The following BPIFB2 variants were observed in gnomAD, a reference collection of about 807,000 sequenced individuals.
BPIFB2 encodes the protein BPI fold-containing family B member 2.
A neutral mutation model predicts 50.1 loss-of-function variants in BPIFB2; 39 were observed. The observed-to-expected ratio is 0.78, with a 90% confidence interval of 0.60 to 1.02. The LOEUF is 1.02. BPIFB2 is among the 50% of genes least tolerant of loss of function. BPIFB2 has a pLI of 0.00. For synonymous variants in BPIFB2, 280 were observed against 256.3 expected (o/e 1.09, Z -0.88); for missense variants, 574 against 585.8 (o/e 0.98, Z 0.21).
At chr20:33,015,380 T>C in intron 5 of BPIFB2, 56 bp from the exon 6 acceptor site, 1 of 1,504,726 alleles carries the variant, frequency 6.6e-7, no homozygotes, top group South Asian at 1.2e-5. Context: ...CTGTGCTGAG[T>C]GACGGGACTT....
Position 33,013,971 on chromosome 20 carries a change from AGG to A in BPIFB2, c.455+17_455+18del. The A allele has an allele frequency of 1.2e-6, 2 of 1,609,010 alleles. No homozygotes were observed. Among genetic ancestry groups the A allele is most frequent in the Non-Finnish European group, 1.7e-6 (2 of 1,176,214 alleles). On this transcript the variant is annotated intron_variant, in intron 5 of 15. Coordinates refer to ENST00000170150, the MANE Select transcript of BPIFB2 (RefSeq NM_025227.3). ...GGCAGTAACAGGTGGGTGCCTGGTGAGGGCAGGGTCACAGGAATCCCAGATGC... is the reference window on the plus strand; with the variant it reads ...GGCAGTAACAGGTGGGTGCCTGGTGAGCAGGGTCACAGGAATCCCAGATGC...
At position 33,009,226 on chromosome 20, in the gene BPIFB2, C is replaced by A. The variant is rs1285719774; in HGVS notation, c.109+543C>A. On this transcript the variant is annotated intron_variant, in intron 2 of 15. Coordinates refer to ENST00000170150, the MANE Select transcript of BPIFB2 (RefSeq NM_025227.3). The surrounding 1 kb of genome is among the most constrained non-coding windows in gnomAD (Gnocchi z 4.2). ...CCTTCTGAGCTCAGCGTGAGAGAACCATCCGCTCTCTGGGTCCCACTTGTG... is the reference window on the plus strand; with the variant it reads ...CCTTCTGAGCTCAGCGTGAGAGAACAATCCGCTCTCTGGGTCCCACTTGTG... Among the ~76,000 whole-genome samples, 1 of 152,154 alleles carries A rather than the reference C, an allele frequency of 6.6e-6. No homozygotes were observed. Among genetic ancestry groups the A allele is most frequent in the Non-Finnish European group, 1.5e-5 (1 of 68,032 alleles).
rs555124864 is a variant in BPIFB2 at position 33,018,768 on chromosome 20, G to A, written c.801G>A (p.Ala267=). The part of the protein sequence containing the change: ...VGLSQQLFDS[A]LLLLQKAGAL... ...TCTCCCAGCAGCTGTTTGACTCTGC[G>A]CTCCTGCTGCTGCAGAAGGCCGGTG... Residue 267 remains alanine (A), a synonymous_variant, in exon 9 of 16, where the codon GCG becomes GCA. Transcript: ENST00000170150. 48 of 1,614,130 alleles carry A rather than the reference G, an allele frequency of 3.0e-5. No individual in the cohort carries two copies. In the East Asian group the frequency reaches 5.1e-4, roughly 17 times the overall value.
chr20:33,016,523 C>A (rs1175065683), intron 6 of BPIFB2, among the ~76,000 whole-genome samples: 2 of 152,200 alleles, frequency 1.3e-5, no homozygotes, highest in Non-Finnish European at 2.9e-5. Context: ...CCTTGCAGTT[C>A]CTCCTCTGCC....
chr20:33,018,741 C>T lies in BPIFB2; in HGVS notation c.774C>T (p.Gly258=), dbSNP rs1197133317. ...CCGAGGGCTCCATGGCCACCGTGGG[C>T]CTCTCCCAGCAGCTGTTTGACTCTG... The part of the protein sequence containing the change: ...VGTEGSMATV[G]LSQQLFDSAL... The change falls in exon 9 of 16, where the codon GGC becomes GGT. Residue 258 remains glycine (G), a synonymous_variant. Coordinates refer to ENST00000170150, the MANE Select transcript of BPIFB2 (RefSeq NM_025227.3). 3.7e-6 allele frequency: 6 copies of T among 1,614,098 alleles called. No individual in the cohort carries two copies. Among genetic ancestry groups the T allele is most frequent in the South Asian group, 1.1e-5 (1 of 91,088 alleles).
In BPIFB2 at chr20:33,021,323, C is replaced by G. The variant is rs1417783404; in HGVS notation, c.1237C>G (p.Pro413Ala). The G allele has an allele frequency of 2.5e-6, 4 of 1,613,806 alleles. No individual in the cohort carries two copies. Among genetic ancestry groups the G allele is most frequent in the Middle Eastern group, 1.6e-4 (1 of 6,062 alleles). The change falls in exon 14 of 16, where the codon CCC becomes GCC. Residue 413 changes from proline (P) to alanine (A), a missense_variant. Coordinates refer to ENST00000170150, the MANE Select transcript of BPIFB2 (RefSeq NM_025227.3). ...RTLMGTVFEK[P>A]LLDHLNALLA... ...ACTGATGGGCACCGTTTTTGAGAAG[C>G]CCCTGCTGGACCATCTCAATGGTAA... is the stretch of plus-strand genomic sequence containing the variant.
chr20:33,021,946 C>A, intron 15 of BPIFB2, 147 bp downstream of exon 15: 2 of 793,570 alleles, frequency 2.5e-6, no homozygotes, highest in Non-Finnish European at 4.1e-6. Flanking sequence ...TCCAGGATGC[C>A]AAGAGATGCT....
intron 3 of BPIFB2, 37 bp from the exon 4 acceptor site, chr20:33,012,766 T>C (rs368011617): frequency 3.4e-4 from 515 of 1,529,274 alleles, no homozygotes; most frequent in Non-Finnish European, 4.3e-4. Flanking sequence ...CATGGTTTAA[T>C]GGGGGCCACT....
intron 15 of BPIFB2, 123 bp from the exon 16 acceptor site, chr20:33,023,219 A>G: frequency 1.0e-6 from 1 of 956,944 alleles, no homozygotes. Context: ...CAGAGAGGCA[A>G]AGGACTCTCC....
intron 8 of BPIFB2, 25 bp from the exon 9 acceptor site, chr20:33,018,612 C>T (rs568725348): frequency 1.5e-5 from 24 of 1,578,586 alleles, no homozygotes; most frequent in Non-Finnish European, 2.1e-5. Flanking sequence ...TGCTTTTCTC[C>T]CACTTCCCCC....
At chr20:33,015,570 T>C in intron 6 of BPIFB2, 74 bp downstream of exon 6, 1 of 1,333,428 alleles carries the variant, frequency 7.5e-7, no homozygotes, top group Non-Finnish European at 1.0e-6. Flanking sequence ...AAGAGTGGGA[T>C]TTCAGGCAGG....
At position 33,012,899 on chromosome 20, in the gene BPIFB2, G is replaced by A. The variant is rs774436795; in HGVS notation, c.300G>A (p.Lys100=). 2 of 1,610,748 alleles carry A rather than the reference G, an allele frequency of 1.2e-6. No individual in the cohort carries two copies. Among genetic ancestry groups the A allele is most frequent in the East Asian group, 4.5e-5 (2 of 44,852 alleles). ...RLLAAANFTF[K]VFRAPEPLEL... ...TGGCAGCAGCTAATTTTACTTTCAA[G>A]GTCTTTCGGTGAGCGGATCTCCTTG... Residue 100 remains lysine, a synonymous_variant, in exon 4 of 16, where the codon AAG becomes AAA. Coordinates refer to ENST00000170150, the MANE Select transcript of BPIFB2 (RefSeq NM_025227.3).
Position 33,023,323 on chromosome 20 carries a change from G to C in BPIFB2, c.1336-19G>C. 1 of 1,613,142 alleles carries C rather than the reference G, an allele frequency of 6.2e-7. No individual in the cohort carries two copies. The highest frequency in any genetic ancestry group is 8.5e-7 in the Non-Finnish European group (1 of 1,179,292). On this transcript the variant is annotated intron_variant, in intron 15 of 15. Transcript: ENST00000170150. ...CTGTGCCTCCTCTGACCTGGTCCAT[G>C]GTTTCCTTTGCCCTTCAGGGCTACG...
At position 33,017,086 on chromosome 20, in the gene BPIFB2, C is replaced by T; in HGVS notation, c.561C>T (p.His187=). The change falls in exon 7 of 16, where the codon CAC becomes CAT. Residue 187 remains histidine, a synonymous_variant. Transcript: ENST00000170150. ...ACCTGGTGCAGGGTGTCAATGTCCACCTGGGCACCTTAATTGGTAAGATCT... is the reference window on the plus strand; with the variant it reads ...ACCTGGTGCAGGGTGTCAATGTCCATCTGGGCACCTTAATTGGTAAGATCT... ...ISNLVQGVNV[H]LGTLIGLNPV... The T allele has an allele frequency of 1.9e-6, 3 of 1,614,082 alleles. No individual in the cohort carries two copies. The highest frequency in any genetic ancestry group is 2.5e-6 in the Non-Finnish European group (3 of 1,179,986).
At chr20:33,008,467 G>A in intron 1 of BPIFB2, 74 bp from the exon 2 acceptor site, 2 of 827,024 alleles carry the variant, frequency 2.4e-6, no homozygotes, top group East Asian at 5.6e-5. Flanking sequence ...GTTCCCTCCA[G>A]GCTGGAGTGG....
Position 33,009,097 on chromosome 20 carries a change from C to T in BPIFB2, c.109+414C>T, listed in dbSNP as rs909435359. ...ATGTGTGTGCACAGGTACGGCTGTT[C>T]ACCCTGGGTGTACACGTTTGCGTAT... On this transcript the variant is annotated intron_variant, in intron 2 of 15. Coordinates refer to ENST00000170150, the MANE Select transcript of BPIFB2 (RefSeq NM_025227.3). The surrounding 1 kb of genome is among the most constrained non-coding windows in gnomAD (Gnocchi z 4.2). Among the ~76,000 whole-genome samples the T allele has an allele frequency of 5.3e-5, 8 of 152,180 alleles. No homozygotes were observed. Among genetic ancestry groups the T allele is most frequent in the Non-Finnish European group, 2.9e-5 (2 of 68,040 alleles).
At chr20:33,022,343 A>T (rs1349195341) in intron 15 of BPIFB2, among the ~76,000 whole-genome samples, 1 of 152,220 alleles carries the variant, frequency 6.6e-6, no homozygotes, top group African/African-American at 2.4e-5. Context: ...CCAATGTCTC[A>T]CGTGCTGTTC....
rs536011261 is a variant in BPIFB2, at chr20:33,009,952, G to C, written c.110-1072G>C. Among the ~76,000 whole-genome samples, 2 of 152,358 alleles carry C rather than the reference G, an allele frequency of 1.3e-5. No individual in the cohort carries two copies. The highest frequency in any genetic ancestry group is 4.8e-5 in the African/African-American group (2 of 41,582). The stretch of plus-strand genomic sequence containing the variant: ...ACTGTAGATGGAGTCTGAGGTCTGG[G>C]TGTGAGTTCCAGCTCAGCTGCAGAT... On this transcript the variant is annotated intron_variant, in intron 2 of 15. Transcript: ENST00000170150. The surrounding 1 kb of genome is among the most constrained non-coding windows in gnomAD (Gnocchi z 4.2).
chr20:33,017,198 C>A, intron 7 of BPIFB2, 96 bp downstream of exon 7: 1 of 1,170,750 alleles, frequency 8.5e-7, no homozygotes. Flanking sequence ...CACGGTCGAC[C>A]TCTAGGAGAG....
Sources: allele counts gnomAD v4.1 joint callset (sites outside exome capture counted in the v4.1 genomes callset), GRCh38; gene constraint gnomAD v4.1.1; non-coding constraint Gnocchi (gnomAD v3.1); transcripts MANE v1.5; gene names NCBI Gene and HGNC (gene_info 2026-07-23, HGNC 2026-07-21).